Variants in CASP8 observed in about 807,000 individuals in gnomAD.
CASP8 encodes the protein caspase 8, also known as caspase-8.
CASP8 carries 24 observed loss-of-function variants against 46.3 expected under a neutral mutation model. The ratio of observed to expected loss-of-function variants is 0.52; its 90% CI spans 0.38 to 0.73. CASP8 has a LOEUF of 0.73. CASP8 is among the 30% of genes least tolerant of loss of function. CASP8 has a pLI of 0.00. For synonymous variants in CASP8, 188 were observed against 200.4 expected (o/e 0.94, Z 0.52); for missense variants, 460 against 559.0 (o/e 0.82, Z 1.79).
At chr2:201,285,628 T>C (rs1364116886) in intron 8 of CASP8, among the ~76,000 whole-genome samples, 1 of 152,170 alleles carries the variant, frequency 6.6e-6, no homozygotes, top group African/African-American at 2.4e-5. Context: ...ACAATCAGGG[T>C]ATCACAGAGC....
intron 5 of CASP8, among the ~76,000 whole-genome samples, chr2:201,274,560 T>C (rs562248828): frequency 6.6e-6 from 1 of 152,294 alleles, no homozygotes; most frequent in Admixed American, 6.5e-5. Context: ...CTGCAACCAC[T>C]ACCTCCCAAG....
At chr2:201,277,166 TA>T (rs1948690229) in intron 7 of CASP8, 198 bp downstream of exon 7, 1 of 469,638 alleles carries the variant, frequency 2.1e-6, no homozygotes, top group African/African-American at 2.0e-5. Context: ...ATTTTTTAAA[TA>T]AAAGTAATGT....
In CASP8 at chr2:201,286,764, C is replaced by T. The variant is rs943177405; in HGVS notation, c.*170C>T. The T allele has an allele frequency of 8.2e-5, 46 of 561,650 alleles. No individual in the cohort carries two copies. Among genetic ancestry groups the T allele is most frequent in the Non-Finnish European group, 1.3e-4 (41 of 311,690 alleles). 34.8% of individuals were successfully genotyped at this position (561,650 alleles called of 1,614,324 possible). On this transcript the variant is annotated 3_prime_UTR_variant, in exon 9 of 9. Coordinates refer to ENST00000673742, the MANE Select transcript of CASP8 (RefSeq NM_001372051.1). ...CCGAGTAGCTGGGACTACAGGGGCC[C>T]GCCACCACACCTGGCTAATTTTTTA...
At chr2:201,286,428 G>T (rs1949563877) in intron 8 of CASP8, 31 bp from the exon 9 acceptor site, 1 of 1,608,278 alleles carries the variant, frequency 6.2e-7, no homozygotes, top group East Asian at 2.2e-5. Flanking sequence ...TTCCCCCACA[G>T]ACAGTCACAA....
In CASP8 at chr2:201,266,118, T is replaced by G. The variant is rs1316701260; in HGVS notation, c.-26-343T>G. Reference sequence around the variant, plus strand: ...CCCCAGCCTCCTGAGTAGCTGGGATTACAGGCACGTGCCTCCACACCTGGC... The same window carrying G: ...CCCCAGCCTCCTGAGTAGCTGGGATGACAGGCACGTGCCTCCACACCTGGC... On this transcript the variant is annotated intron_variant, in intron 1 of 8. Coordinates refer to ENST00000673742, the MANE Select transcript of CASP8 (RefSeq NM_001372051.1). This position sits in a 1 kb window ranked among gnomAD's most constrained non-coding sequence, Gnocchi z 5.7. 6.6e-6 allele frequency among the ~76,000 whole-genome samples: 1 copy of G among 152,154 alleles called. No individual in the cohort carries two copies. The highest frequency in any genetic ancestry group is 2.4e-5 in the African/African-American group (1 of 41,448).
chr2:201,268,537 G>A (rs1418411139), intron 2 of CASP8, among the ~76,000 whole-genome samples: 1 of 150,948 alleles, frequency 6.6e-6, no homozygotes, highest in Non-Finnish European at 1.5e-5. Flanking sequence ...GGCAACAAGA[G>A]TGAAACTCTG....
At chr2:201,257,881 A>C (rs1423722327), upstream of CASP8, 2 of 329,268 alleles carry the variant, frequency 6.1e-6, no homozygotes, top group Non-Finnish European at 1.2e-5. Context: ...GGTTATTATT[A>C]CTAAATGGAG....
chr2:201,282,471 C>G (rs1324069726), intron 7 of CASP8, among the ~76,000 whole-genome samples: 12 of 99,992 alleles, frequency 1.2e-4, no homozygotes, highest in Non-Finnish European at 1.7e-4. Flanking sequence ...CAGACGGGGT[C>G]GTGGCCGGGC....
chr2:201,238,401 C>G (rs1946147220), intron 2 of CASP8, among the ~76,000 whole-genome samples: 1 of 152,126 alleles, frequency 6.6e-6, no homozygotes, highest in Non-Finnish European at 1.5e-5. Context: ...CAATGAAACC[C>G]TGAAACATTT....
chr2:201,239,575 C>G (rs1946216004), intron 2 of CASP8, among the ~76,000 whole-genome samples: 1 of 152,128 alleles, frequency 6.6e-6, no homozygotes, highest in African/African-American at 2.4e-5. Flanking sequence ...AGACTCTTAT[C>G]AGTTTACTTT....
At chr2:201,258,374 G>A (rs1386914152), upstream of CASP8, 3 of 1,613,976 alleles carry the variant, frequency 1.9e-6, no homozygotes, top group Admixed American at 1.7e-5. Context: ...CCAGGAAAGG[G>A]TGGAGCGGGT....
chr2:201,268,902 C>A (rs1948018695), intron 2 of CASP8, among the ~76,000 whole-genome samples: 1 of 140,706 alleles, frequency 7.1e-6, no homozygotes, highest in Non-Finnish European at 1.6e-5. Flanking sequence ...CCAGTATGGC[C>A]TCATCTTTGT....
intron 2 of CASP8, among the ~76,000 whole-genome samples, chr2:201,237,371 G>C (rs1229173244): frequency 2.7e-5 from 4 of 148,268 alleles, no homozygotes; most frequent in Non-Finnish European, 3.0e-5. Context: ...GATTACAGGC[G>C]TGAGCCACCT....
At chr2:201,238,749 T>A (rs1008154343) in intron 2 of CASP8, among the ~76,000 whole-genome samples, 1 of 151,682 alleles carries the variant, frequency 6.6e-6, no homozygotes, top group African/African-American at 2.4e-5. Flanking sequence ...AGTCTTTTCC[T>A]TACTTTTTAT....
At chr2:201,277,297 G>A (rs185385591) in intron 7 of CASP8, among the ~76,000 whole-genome samples, 40 of 152,322 alleles carry the variant, frequency 2.6e-4, no homozygotes, top group African/African-American at 8.4e-4. Context: ...CGATGAAATT[G>A]CTGTGGTATC....
chr2:201,242,585 G>C (rs990511651), intron 2 of CASP8: 2 of 152,086 alleles, frequency 1.3e-5, no homozygotes, highest in Admixed American at 6.5e-5. Flanking sequence ...ATGAATTTTA[G>C]GGGAAACAAA....
rs1946794880 is a variant in CASP8 at position 201,251,729 on chromosome 2, C to G, written c.-26-14732C>G. Among the ~76,000 whole-genome samples, 3 of 150,512 alleles carry G rather than the reference C, an allele frequency of 2.0e-5. No individual in the cohort carries two copies. The South Asian group carries it at 6.3e-4, about 32-fold the overall frequency. ...ACCAGCCCGACCAACATGGTGAAACCCTGTCTCTACTAAAAATACAAAAAT... is the reference window on the plus strand; with the variant it reads ...ACCAGCCCGACCAACATGGTGAAACGCTGTCTCTACTAAAAATACAAAAAT... On this transcript the variant is annotated intron_variant, in intron 2 of 6. Coordinates refer to the CASP8 transcript ENST00000264274.
chr2:201,253,293 C>CTTTT (rs34341476), intron 2 of CASP8, among the ~76,000 whole-genome samples: 2,462 of 67,934 alleles, frequency 0.036, 423 homozygotes, highest in Non-Finnish European at 0.05. Flanking sequence ...CTAGCCTGAT[C>CTTTT]TTTTTTTTTT....
Position 201,276,952 on chromosome 2 carries a change from A to G in CASP8, c.786A>G (p.Gly262=), listed in dbSNP as rs1948672324. The change falls in exon 7 of 9, where the codon GGA becomes GGG. Residue 262 remains glycine (G), a synonymous_variant. Coordinates refer to ENST00000673742, the MANE Select transcript of CASP8 (RefSeq NM_001372051.1). ...PKLHSIRDRN[G]THLDAGALTT... is the part of the protein sequence containing the mutation. ...TTCACAGCATTAGGGACAGGAATGG[A>G]ACACACTTGGATGCAGGTACAGTAG... 1 of 1,613,520 alleles carries G rather than the reference A, an allele frequency of 6.2e-7. No homozygotes were observed. The highest frequency in any genetic ancestry group is 2.2e-5 in the East Asian group (1 of 44,880).
Sources: gnomAD v4.1 joint callset for allele counts (sites outside exome capture counted in the v4.1 genomes callset) on GRCh38, gnomAD v4.1.1 for gene constraint, Gnocchi (gnomAD v3.1) non-coding constraint, MANE v1.5 for transcripts, NCBI Gene and HGNC (gene_info 2026-07-23, HGNC 2026-07-21) for gene names.